TWF2: variants seen among roughly 807,000 people sequenced by gnomAD.
The protein encoded by TWF2 is twinfilin actin binding protein 2.
TWF2 carries 15 observed loss-of-function variants against 45.1 expected under a neutral mutation model. The observed-to-expected ratio is 0.33, with a 90% CI of 0.22 to 0.51. TWF2 has a LOEUF of 0.51. Ranked by LOEUF, TWF2 falls within the 20% of genes least tolerant of loss-of-function variation. The pLI is 0.97. For synonymous variants in TWF2, 177 were observed against 195.8 expected, an observed-to-expected ratio of 0.90 and a Z score of 0.80; for missense variants, 423 against 469.1, an observed-to-expected ratio of 0.90 and a Z score of 0.91.
At position 52,229,924 on chromosome 3, in the gene TWF2, A is replaced by C; in HGVS notation, c.756T>G (p.Ser252=). ...AGCCCTGCCATGGCCACTCACCTAC[A>C]GACTCAAGGGGGTCGCCCTCATGGG... The part of the protein sequence containing the change: ...KHTHEGDPLE[S]VVFIYSMPGY... The change falls in exon 7 of 9, where the codon TCT becomes TCG. Residue 252 remains serine (S), a synonymous_variant. Coordinates refer to ENST00000305533, the MANE Select transcript of TWF2 (RefSeq NM_007284.4). The C allele has an allele frequency of 6.2e-7, 1 of 1,610,074 alleles. No individual in the cohort carries two copies. The highest frequency in any genetic ancestry group is 8.5e-7 in the Non-Finnish European group (1 of 1,177,924).
At position 52,232,149 on chromosome 3, in the gene TWF2, C is replaced by T. The variant is rs367545705; in HGVS notation, c.104-27G>A. On this transcript the variant is annotated intron_variant, in intron 2 of 8. Coordinates refer to ENST00000305533, the MANE Select transcript of TWF2 (RefSeq NM_007284.4). ...TGGGGGCAGAGGCCGGATGAGCAGC[C>T]GCTCCCAGCTCCCACTGCGCCTCCC... 175 of 1,505,000 alleles carry T rather than the reference C, an allele frequency of 1.2e-4. 1 individual carries two copies. Among genetic ancestry groups the T allele is most frequent in the African/African-American group, 7.4e-4 (53 of 71,890 alleles). 93.2% of individuals were successfully genotyped at this position (1,505,000 alleles called of 1,614,324 possible). A position where few individuals can be genotyped will look rare whatever the true frequency, so the allele number is the denominator to read the frequency against.
rs1022503863 is a variant in TWF2, at chr3:52,229,692, T to C, written c.851A>G (p.Glu284Gly). ...SCKSRLLDSVEQDFHLEIAKK... is the reference protein window; with the variant it reads ...SCKSRLLDSVGQDFHLEIAKK... ...GGCGATCTCCAGATGGAAGTCCTGC[T>C]CCACGGAGTCGAGGAGGCGGCTCTT... Residue 284 changes from glutamate (E) to glycine (G), a missense_variant, in exon 8 of 9, where the codon GAG becomes GGG. Physicochemically the swap from Glu to Gly is moderately conservative, Grantham distance 98. Coordinates refer to ENST00000305533, the MANE Select transcript of TWF2 (RefSeq NM_007284.4). 2.5e-6 allele frequency: 4 copies of C among 1,613,308 alleles called. No homozygotes were observed. In the African/African-American group the frequency reaches 5.3e-5, roughly 22 times the overall value.
At chr3:52,229,262 G>A in intron 8 of TWF2, 61 bp from the exon 9 acceptor site, 1 of 1,583,756 alleles carries the variant, frequency 6.3e-7, no homozygotes, top group Non-Finnish European at 8.6e-7. Context: ...ACCACCCCTG[G>A]TAGCCCCCAC....
chr3:52,232,349 C>T (rs781323773), intron 2 of TWF2: 32 of 582,286 alleles, frequency 5.5e-5, no homozygotes, highest in Middle Eastern at 4.5e-4. Flanking sequence ...ATCCCCAGCG[C>T]GTGCACACAC....
chr3:52,229,277 G>A (rs183095300), intron 8 of TWF2, 76 bp from the exon 9 acceptor site: 24 of 1,559,776 alleles, frequency 1.5e-5, no homozygotes, highest in East Asian at 2.3e-5. Flanking sequence ...CCCCACTCCT[G>A]GGGCACCCCT....
Position 52,229,988 on chromosome 3 carries a change from C to T in TWF2, c.692G>A (p.Arg231Gln), listed in dbSNP as rs770701962. Residue 231 changes from arginine (R) to glutamine (Q), a missense_variant, in exon 7 of 9, where the codon CGA (arginine) becomes CAA (glutamine). Arg to Gln is a conservative substitution (Grantham distance 43, BLOSUM62 1). Transcript: ENST00000305533. Reference sequence around the variant, plus strand: ...GAAGAAGTGGTAGCGGGCAGCATCTCGGGGCACCCGGGAGGGCAGCTGGGC... The same window carrying T: ...GAAGAAGTGGTAGCGGGCAGCATCTTGGGGCACCCGGGAGGGCAGCTGGGC... ...DVAQLPSRVP[R>Q]DAARYHFFLY... The T allele has an allele frequency of 7.4e-6, 12 of 1,612,690 alleles. No homozygotes were observed. In the Admixed American group the frequency reaches 1.0e-4, roughly 13 times the overall value.
intron 6 of TWF2, among the ~76,000 whole-genome samples, chr3:52,230,281 T>C (rs1322423433): frequency 6.6e-6 from 1 of 152,110 alleles, no homozygotes; most frequent in Non-Finnish European, 1.5e-5. Flanking sequence ...CCTTTGAAGG[T>C]TGTGCTAGAG....
At chr3:52,229,616 G>A in intron 8 of TWF2, 45 bp downstream of exon 8, 2 of 1,603,820 alleles carry the variant, frequency 1.2e-6, no homozygotes, top group Non-Finnish European at 1.7e-6. Flanking sequence ...ATGGAGATTG[G>A]AGTGATAGGG....
At position 52,231,185 on chromosome 3, in the gene TWF2, G is replaced by A. The variant is rs1162856520; in HGVS notation, c.425C>T (p.Ala142Val). The A allele has an allele frequency of 6.2e-6, 10 of 1,613,920 alleles. No individual in the cohort carries two copies. The highest frequency in any genetic ancestry group is 4.5e-5 in the East Asian group (2 of 44,872). ...AGCCGAGGTCAGCGGGGCAGGTGCC[G>A]CACAGGACGACAGGTGTTTCTGGTA... ...AGYQKHLSSC[A>V]APAPLTSAER... The change falls in exon 5 of 9, where the codon GCG becomes GTG. Residue 142 changes from alanine to valine, a missense_variant. Coordinates refer to ENST00000305533, the MANE Select transcript of TWF2 (RefSeq NM_007284.4).
Position 52,232,743 on chromosome 3 carries a change from G to C in TWF2, c.104-621C>G, listed in dbSNP as rs996711628. 3.9e-5 allele frequency among the ~76,000 whole-genome samples: 6 copies of C among 152,246 alleles called. No homozygotes were observed. In the East Asian group the frequency reaches 1.2e-3, roughly 29 times the overall value. On this transcript the variant is annotated intron_variant, in intron 2 of 8. Transcript: ENST00000305533. ...AAAATGTCACAGATCCTTGCCGGGC[G>C]CGGTGGCTCACGCCTATAATCCCAG...
At chr3:52,238,414 A>G (rs1214070843) in intron 1 of TWF2, among the ~76,000 whole-genome samples, 2 of 152,240 alleles carry the variant, frequency 1.3e-5, no homozygotes, top group African/African-American at 2.4e-5. Context: ...CCTAACACAC[A>G]TAAACAAGCC....
At chr3:52,234,947 G>A (rs1699711154) in intron 2 of TWF2, 82 bp downstream of exon 2, 2 of 1,521,636 alleles carry the variant, frequency 1.3e-6, no homozygotes, top group African/African-American at 1.4e-5. Context: ...GCAGGCCAGG[G>A]GCCAACATCC....
At position 52,229,037 on chromosome 3, in the gene TWF2, G is replaced by A. The variant is rs775892813; in HGVS notation, c.1047C>T (p.Ser349=). Residue 349 remains serine, a synonymous_variant, in exon 9 of 9, where the codon AGC becomes AGT. Transcript: ENST00000305533. ...IRGPGENGDD[S] is the part of the protein sequence containing the mutation. ...TGGCCGGCCCTGCTCCAGCCTCCTA[G>A]CTGTCATCCCCATTTTCACCCGGGC... The A allele has an allele frequency of 6.2e-7, 1 of 1,611,386 alleles. No individual in the cohort carries two copies. The highest frequency in any genetic ancestry group is 1.7e-5 in the Admixed American group (1 of 59,976).
chr3:52,231,621 C>A (rs534843397), intron 3 of TWF2, 82 bp from the exon 4 acceptor site: 1 of 1,455,758 alleles, frequency 6.9e-7, no homozygotes, highest in South Asian at 1.3e-5. Flanking sequence ...TGGAGGAACT[C>A]GGTGGGCTCA....
rs55836915 is a variant in TWF2, at chr3:52,229,670, G to A, written c.873C>T (p.Ile291=). The A allele has an allele frequency of 1.2e-5, 20 of 1,613,424 alleles. No individual in the cohort carries two copies. The highest frequency in any genetic ancestry group is 4.4e-5 in the South Asian group (4 of 91,078). The stretch of plus-strand genomic sequence containing the variant: ...TGGGGAGGGCGCCTACTTTCTTGGC[G>A]ATCTCCAGATGGAAGTCCTGCTCCA... ...DSVEQDFHLE[I]AKKIEIGDGA... Residue 291 remains isoleucine, a synonymous_variant, in exon 8 of 9, where the codon ATC becomes ATT. Coordinates refer to ENST00000305533, the MANE Select transcript of TWF2 (RefSeq NM_007284.4).
chr3:52,231,381 T>C (rs1699676735), intron 4 of TWF2, 63 bp downstream of exon 4: 3 of 1,593,074 alleles, frequency 1.9e-6, no homozygotes, highest in East Asian at 4.5e-5. Context: ...TCTCTGACCC[T>C]GCACAGTGAC....
At position 52,236,957 on chromosome 3, in the gene TWF2, T is replaced by C. The variant is rs528280683; in HGVS notation, c.26-1851A>G. The stretch of plus-strand genomic sequence containing the variant: ...TGAACTTCAGTGTATAAAATGGAAA[T>C]AATAGCCCCAAACTTGGCAGGGCTG... On this transcript the variant is annotated intron_variant, in intron 1 of 8. Coordinates refer to ENST00000305533, the MANE Select transcript of TWF2 (RefSeq NM_007284.4). 6.3e-4 allele frequency among the ~76,000 whole-genome samples: 96 copies of C among 152,180 alleles called. 1 individual carries two copies. The highest frequency in any genetic ancestry group is 4.6e-3 in the South Asian group (22 of 4,826).
chr3:52,235,349 T>C (rs1431089410), intron 1 of TWF2, among the ~76,000 whole-genome samples: 1 of 150,588 alleles, frequency 6.6e-6, no homozygotes, highest in African/African-American at 2.4e-5. Context: ...TGGGCAGGGA[T>C]GGGACAACCC....
At chr3:52,237,739 T>C (rs1399347555) in intron 1 of TWF2, among the ~76,000 whole-genome samples, 1 of 152,138 alleles carries the variant, frequency 6.6e-6, no homozygotes, top group Admixed American at 6.5e-5. Flanking sequence ...GGCTGGCCCA[T>C]CTGGGAGCCC....
Sources: gnomAD v4.1 joint callset for allele counts (sites outside exome capture counted in the v4.1 genomes callset) on GRCh38, gnomAD v4.1.1 for gene constraint, MANE v1.5 for transcripts, NCBI Gene and HGNC (gene_info 2026-07-23, HGNC 2026-07-21) for gene names.